The following ASIC2 variants were observed in gnomAD, a reference collection of about 807,000 sequenced individuals.
The protein encoded by ASIC2 is acid sensing ion channel subunit 2.
In ASIC2, 25 loss-of-function variants were observed where a neutral mutation model predicts 57.3. That is an observed-to-expected ratio of 0.44 (90% CI 0.32 to 0.61). The LOEUF (loss-of-function observed/expected upper bound fraction) is 0.61, where lower values mean the gene tolerates loss of function less well. Ranked by LOEUF, ASIC2 falls within the 20% of genes least tolerant of loss-of-function variation. ASIC2 has a pLI of 0.06. For missense variants in ASIC2, 641 were observed against 738.1 expected (o/e 0.87, Z 1.52); for synonymous variants, 319 against 307.5 (o/e 1.04, Z -0.39).
Position 33,682,235 on chromosome 17 carries a change from T to A in ASIC2, c.555+473743A>T, listed in dbSNP as rs187368819. The stretch of plus-strand genomic sequence containing the variant: ...CCACCATGCCTGGCTAATTTTTTTT[T>A]TTTTTATTTTTAGTAGAGACGGGGT... On this transcript the variant is annotated intron_variant, in intron 1 of 9. Transcript: ENST00000359872. Among the ~76,000 whole-genome samples the A allele has an allele frequency of 2.3e-3, 346 of 151,806 alleles. 8 individuals are homozygous for A. Among genetic ancestry groups the A allele is most frequent in the Admixed American group, 0.018 (282 of 15,252 alleles).
intron 1 of ASIC2, among the ~76,000 whole-genome samples, chr17:33,994,773 A>G (rs982394330): frequency 1.3e-5 from 2 of 152,056 alleles, no homozygotes; most frequent in Admixed American, 1.3e-4. Context: ...GGTACCAGAC[A>G]CTCATAGACT....
chr17:33,640,713 C>T (rs1178781036), intron 1 of ASIC2, among the ~76,000 whole-genome samples: 2 of 152,204 alleles, frequency 1.3e-5, no homozygotes, highest in African/African-American at 2.4e-5. Flanking sequence ...TAGGAACCTG[C>T]GTGTAGTTCC....
chr17:33,422,641 G>C (rs1213029473), intron 1 of ASIC2, among the ~76,000 whole-genome samples: 1 of 152,160 alleles, frequency 6.6e-6, no homozygotes, highest in Non-Finnish European at 1.5e-5. Context: ...CCTCTGCTAA[G>C]GGCTGATGCA....
At chr17:33,975,288 C>T (rs1189279802) in intron 1 of ASIC2, among the ~76,000 whole-genome samples, 1 of 152,124 alleles carries the variant, frequency 6.6e-6, no homozygotes, top group Admixed American at 6.5e-5. Context: ...GATCAGAGCC[C>T]AAATAAAGGG....
In ASIC2 at chr17:33,317,030, G is replaced by A. The variant is rs139458567; in HGVS notation, c.556-204963C>T. Among the ~76,000 whole-genome samples, 591 of 152,318 alleles carry A rather than the reference G, an allele frequency of 3.9e-3. 3 individuals carry two copies. Among genetic ancestry groups the A allele is most frequent in the African/African-American group, 0.013 (548 of 41,562 alleles). ...TTCAGAGACCTGGGTCCAGTTGCCG[G>A]GAGAACAGCGCAGCAGTTGCTTAGG... is the stretch of plus-strand genomic sequence containing the variant. On this transcript the variant is annotated intron_variant, in intron 1 of 9. Transcript: ENST00000359872.
chr17:33,577,423 C>T (rs1297753853), intron 1 of ASIC2, among the ~76,000 whole-genome samples: 1 of 152,178 alleles, frequency 6.6e-6, no homozygotes, highest in Non-Finnish European at 1.5e-5. Context: ...GCGAGCAGGG[C>T]AGCCTGACAT....
At chr17:33,347,189 G>A (rs992898455) in intron 1 of ASIC2, among the ~76,000 whole-genome samples, 1 of 152,062 alleles carries the variant, frequency 6.6e-6, no homozygotes, top group Admixed American at 6.6e-5. Context: ...TGAAGGAGTG[G>A]GGACACTTCA....
intron 1 of ASIC2, among the ~76,000 whole-genome samples, chr17:33,613,312 T>G (rs547768500): frequency 2.6e-5 from 4 of 152,082 alleles, no homozygotes; most frequent in Non-Finnish European, 5.9e-5. Context: ...AACTGGATAC[T>G]TTAAACAGTG....
At chr17:34,122,097 C>A (rs1205510289) in intron 1 of ASIC2, among the ~76,000 whole-genome samples, 1 of 152,210 alleles carries the variant, frequency 6.6e-6, no homozygotes, top group African/African-American at 2.4e-5. Flanking sequence ...TTTATTTCAT[C>A]TGTTATATTT....
At chr17:33,258,780 G>A (rs1909174906) in intron 1 of ASIC2, among the ~76,000 whole-genome samples, 1 of 152,222 alleles carries the variant, frequency 6.6e-6, no homozygotes, top group Non-Finnish European at 1.5e-5. Context: ...TAACTTCCCA[G>A]AAGTGGCCCA....
At chr17:34,009,977 C>G in intron 1 of ASIC2, among the ~76,000 whole-genome samples, 1 of 152,160 alleles carries the variant, frequency 6.6e-6, no homozygotes, top group Non-Finnish European at 1.5e-5. Flanking sequence ...AATGAGATGA[C>G]AAAATGAGAC....
intron 1 of ASIC2, among the ~76,000 whole-genome samples, chr17:33,645,868 T>C (rs548322618): frequency 9.3e-4 from 142 of 152,270 alleles, no homozygotes; most frequent in African/African-American, 3.3e-3. Flanking sequence ...TTATAGTGTG[T>C]CTAGTACATG....
intron 1 of ASIC2, among the ~76,000 whole-genome samples, chr17:33,441,270 C>G (rs1432023536): frequency 6.6e-6 from 1 of 152,178 alleles, no homozygotes; most frequent in Non-Finnish European, 1.5e-5. Context: ...GCACTGGACT[C>G]ATTTTCTTAA....
chr17:33,708,380 T>G (rs1908924657), intron 1 of ASIC2, among the ~76,000 whole-genome samples: 1 of 151,592 alleles, frequency 6.6e-6, no homozygotes, highest in Non-Finnish European at 1.5e-5. Context: ...TCTTGATATT[T>G]CTCTGTTTTT....
chr17:33,453,096 T>C (rs1912320765), intron 1 of ASIC2, among the ~76,000 whole-genome samples: 1 of 152,148 alleles, frequency 6.6e-6, no homozygotes, highest in East Asian at 1.9e-4. Flanking sequence ...CTTCCTTCCT[T>C]GCTGAATATC....
intron 1 of ASIC2, among the ~76,000 whole-genome samples, chr17:33,208,273 A>T (rs1468361140): frequency 6.6e-6 from 1 of 152,244 alleles, no homozygotes. Context: ...GGTTAAAGTC[A>T]AGAACATGAT....
At chr17:33,533,471 C>T (rs889201730) in intron 1 of ASIC2, 3 of 152,182 alleles carry the variant, frequency 2.0e-5, no homozygotes, top group African/African-American at 7.2e-5. Context: ...TGCCTTTGGC[C>T]ATCCTGTTCT....
At chr17:33,518,374 C>T (rs1914636747) in intron 1 of ASIC2, among the ~76,000 whole-genome samples, 1 of 152,186 alleles carries the variant, frequency 6.6e-6, no homozygotes, top group Non-Finnish European at 1.5e-5. Context: ...GGTGGAGTCC[C>T]AGCCCCTGCA....
At chr17:34,135,581 GTGCAGC>G (rs1346898766) in intron 1 of ASIC2, among the ~76,000 whole-genome samples, 13 of 152,110 alleles carry the variant, frequency 8.5e-5, no homozygotes, top group Non-Finnish European at 1.9e-4. Context: ...TGATTCCAAT[GTGCAGC>G]CAAGGTTGAG....
Sources: gnomAD v4.1 joint callset for allele counts (sites outside exome capture counted in the v4.1 genomes callset) on GRCh38, gnomAD v4.1.1 for gene constraint, MANE v1.5 for transcripts, NCBI Gene and HGNC (gene_info 2026-07-23, HGNC 2026-07-21) for gene names.